Variants in CTNNBL1 observed in about 807,000 individuals in gnomAD.
CTNNBL1 encodes the protein beta-catenin-like protein 1.
In CTNNBL1, 31 loss-of-function variants were observed where a neutral mutation model predicts 72.7. That is an observed-to-expected ratio of 0.43 (90% confidence interval 0.32 to 0.58). CTNNBL1 has a LOEUF of 0.58. CTNNBL1 is among the 20% of genes least tolerant of loss of function. The pLI, the probability that CTNNBL1 is intolerant of heterozygous loss-of-function variation, is 0.08. For synonymous variants in CTNNBL1, 240 were observed against 267.3 expected (o/e 0.90, Z 1.00); for missense variants, 534 against 725.1 (o/e 0.74, Z 3.03).
At chr20:37,794,794 G>A (rs369401525) in intron 10 of CTNNBL1, among the ~76,000 whole-genome samples, 24 of 152,008 alleles carry the variant, frequency 1.6e-4, no homozygotes, top group African/African-American at 5.3e-4. Context: ...GAGCCACCGT[G>A]CCTGACTGCC....
chr20:37,702,413 A>G (rs1435184905), intron 1 of CTNNBL1, among the ~76,000 whole-genome samples: 1 of 152,180 alleles, frequency 6.6e-6, no homozygotes, highest in Non-Finnish European at 1.5e-5. Context: ...AAGAAACATT[A>G]CTGAAAATCT....
At chr20:37,713,996 A>G (rs982221498) in intron 1 of CTNNBL1, among the ~76,000 whole-genome samples, 3 of 152,120 alleles carry the variant, frequency 2.0e-5, no homozygotes. Context: ...AGGTTTGGTA[A>G]CTTGCCCAAA....
chr20:37,860,210 C>T, intron 14 of CTNNBL1, 62 bp from the exon 15 acceptor site: 3 of 1,506,376 alleles, frequency 2.0e-6, no homozygotes, highest in Non-Finnish European at 2.8e-6. Context: ...CAAGGTGATA[C>T]ATTCTGGTGT....
chr20:37,771,846 C>A (rs1463991207), intron 7 of CTNNBL1, among the ~76,000 whole-genome samples: 1 of 152,106 alleles, frequency 6.6e-6, no homozygotes, highest in African/African-American at 2.4e-5. Flanking sequence ...TTGCCCAAAC[C>A]CCTGTAGCTA....
intron 15 of CTNNBL1, among the ~76,000 whole-genome samples, chr20:37,869,350 C>T (rs947065839): frequency 6.6e-6 from 1 of 152,330 alleles, no homozygotes; most frequent in African/African-American, 2.4e-5. Context: ...TTTGGATCAG[C>T]AGGTGTTTTA....
chr20:37,772,454 T>G (rs1445887983), intron 7 of CTNNBL1, among the ~76,000 whole-genome samples: 1 of 152,156 alleles, frequency 6.6e-6, no homozygotes, highest in African/African-American at 2.4e-5. Flanking sequence ...GTTCACGCCA[T>G]TCTCCTGCCT....
At chr20:37,814,435 C>T (rs1758165230) in intron 11 of CTNNBL1, among the ~76,000 whole-genome samples, 1 of 152,168 alleles carries the variant, frequency 6.6e-6, no homozygotes, top group East Asian at 1.9e-4. Context: ...TCATGGTTTT[C>T]CATACCTGAT....
chr20:37,816,670 C>G (rs2072062345), intron 11 of CTNNBL1, among the ~76,000 whole-genome samples: 1 of 151,846 alleles, frequency 6.6e-6, no homozygotes, highest in South Asian at 2.1e-4. Flanking sequence ...TATACTTTTT[C>G]TAAGTAACAC....
At chr20:37,699,803 C>T (rs1302224530) in intron 1 of CTNNBL1, among the ~76,000 whole-genome samples, 2 of 152,184 alleles carry the variant, frequency 1.3e-5, no homozygotes, top group African/African-American at 4.8e-5. Flanking sequence ...ATCCCCTGGT[C>T]TAAAATGATC....
At chr20:37,723,950 A>C (rs2073062834) in intron 1 of CTNNBL1, among the ~76,000 whole-genome samples, 1 of 152,248 alleles carries the variant, frequency 6.6e-6, no homozygotes, top group Non-Finnish European at 1.5e-5. Context: ...AAATGTCACC[A>C]GTGAATGTGC....
chr20:37,793,710 T>C (rs143612662), intron 10 of CTNNBL1, among the ~76,000 whole-genome samples: 65 of 152,356 alleles, frequency 4.3e-4, no homozygotes, highest in African/African-American at 1.6e-3. Context: ...GTCATACATT[T>C]TTATTTCAAA....
intron 10 of CTNNBL1, among the ~76,000 whole-genome samples, chr20:37,787,640 G>A (rs559446691): frequency 4.6e-5 from 7 of 152,278 alleles, no homozygotes; most frequent in East Asian, 1.9e-4. Flanking sequence ...CACCGCGCCC[G>A]GCCCATAACT....
intron 13 of CTNNBL1, among the ~76,000 whole-genome samples, chr20:37,848,296 A>G (rs2072364360): frequency 6.6e-6 from 1 of 151,964 alleles, no homozygotes; most frequent in South Asian, 2.1e-4. Context: ...CTGAGACCTC[A>G]GGTGTGTGCC....
At chr20:37,864,535 A>G (rs905043225) in intron 15 of CTNNBL1, among the ~76,000 whole-genome samples, 7 of 152,094 alleles carry the variant, frequency 4.6e-5, no homozygotes, top group African/African-American at 1.7e-4. Flanking sequence ...CGCAGGGAAT[A>G]ATTGATGGCT....
chr20:37,848,740 G>A (rs555638953), intron 13 of CTNNBL1, among the ~76,000 whole-genome samples: 8 of 152,174 alleles, frequency 5.3e-5, no homozygotes, highest in African/African-American at 1.9e-4. Context: ...ATGACCTTGG[G>A]CACTGTTTTG....
chr20:37,871,374 T>G (rs1419969003), intron 15 of CTNNBL1, among the ~76,000 whole-genome samples: 1 of 152,198 alleles, frequency 6.6e-6, no homozygotes, highest in Non-Finnish European at 1.5e-5. Context: ...CTCACAATTC[T>G]GGAGGCGGGG....
chr20:37,869,526 G>A (rs144125779), intron 15 of CTNNBL1, among the ~76,000 whole-genome samples: 67 of 152,382 alleles, frequency 4.4e-4, no homozygotes, highest in African/African-American at 1.6e-3. Context: ...GCTTAGCTGG[G>A]AGGAAGGCGA....
intron 10 of CTNNBL1, among the ~76,000 whole-genome samples, chr20:37,795,846 C>T (rs189883810): frequency 6.7e-6 from 1 of 148,856 alleles, no homozygotes; most frequent in Non-Finnish European, 1.5e-5. Flanking sequence ...TTCTTTGAAT[C>T]CCTAGTAATT....
intron 5 of CTNNBL1, among the ~76,000 whole-genome samples, chr20:37,764,299 C>G (rs549609986): frequency 6.6e-6 from 1 of 152,334 alleles, no homozygotes; most frequent in South Asian, 2.1e-4. Flanking sequence ...TGGATCATCC[C>G]TTCCTGATGA....
Sources: gnomAD v4.1 joint callset for allele counts (sites outside exome capture counted in the v4.1 genomes callset) on GRCh38, gnomAD v4.1.1 for gene constraint, MANE v1.5 for transcripts, NCBI Gene and HGNC (gene_info 2026-07-23, HGNC 2026-07-21) for gene names.